BICC1: variants seen among roughly 807,000 people sequenced by gnomAD.
The protein encoded by BICC1 is BicC family RNA binding protein 1.
In BICC1, 43 loss-of-function variants were observed where a neutral mutation model predicts 111.0. That is an observed-to-expected ratio of 0.39 (90% CI 0.30 to 0.50). The LOEUF (loss-of-function observed/expected upper bound fraction) is 0.50, where lower values mean the gene tolerates loss of function less well. Ranked by LOEUF, BICC1 falls within the 20% of genes least tolerant of loss-of-function variation. BICC1 has a pLI of 0.88. For synonymous variants in BICC1, 467 were observed against 434.4 expected, an observed-to-expected ratio of 1.07 and a Z score of -0.93; for missense variants, 1,091 against 1,203.2, an observed-to-expected ratio of 0.91 and a Z score of 1.38.
chr10:58,649,236 C>A (rs1283879495), intron 2 of BICC1, among the ~76,000 whole-genome samples: 1 of 152,088 alleles, frequency 6.6e-6, no homozygotes, highest in African/African-American at 2.4e-5. Context: ...AGTTTCTTTC[C>A]CTGGTTGCAC....
chr10:58,698,268 G>C (rs1356954672), intron 2 of BICC1, among the ~76,000 whole-genome samples: 1 of 152,154 alleles, frequency 6.6e-6, no homozygotes, highest in Non-Finnish European at 1.5e-5. Context: ...GATGACAAGA[G>C]ACACGTTACC....
At chr10:58,667,464 AC>A (rs57465239) in intron 2 of BICC1, among the ~76,000 whole-genome samples, 152,112 of 152,120 alleles carry the variant, frequency 1, 76,052 homozygotes, top group Middle Eastern at 1. Context: ...GGTAGTTTTA[AC>A]CTTAATTCTC....
At chr10:58,674,073 T>G (rs1234004814) in intron 2 of BICC1, among the ~76,000 whole-genome samples, 1 of 152,222 alleles carries the variant, frequency 6.6e-6, no homozygotes, top group Non-Finnish European at 1.5e-5. Flanking sequence ...CTACCAACAT[T>G]TTAGAATTAA....
chr10:58,826,651 C>T (rs964554431), intron 20 of BICC1, among the ~76,000 whole-genome samples: 20 of 98,316 alleles, frequency 2.0e-4, no homozygotes, highest in African/African-American at 6.9e-4. Context: ...CCCAGCTACT[C>T]GGGAGGCTGA....
intron 2 of BICC1, among the ~76,000 whole-genome samples, chr10:58,626,130 G>A (rs1331777964): frequency 6.6e-6 from 1 of 152,184 alleles, no homozygotes; most frequent in African/African-American, 2.4e-5. Flanking sequence ...AGGGTATGCA[G>A]TGAAGAGTAT....
At chr10:58,756,116 T>C (rs538922564) in intron 3 of BICC1, among the ~76,000 whole-genome samples, 1 of 152,330 alleles carries the variant, frequency 6.6e-6, no homozygotes, top group Admixed American at 6.5e-5. Context: ...TTGTATCTAT[T>C]CCTTTGAAAA....
intron 3 of BICC1, among the ~76,000 whole-genome samples, chr10:58,776,764 C>G (rs1011712032): frequency 1.3e-5 from 2 of 152,180 alleles, no homozygotes; most frequent in Non-Finnish European, 2.9e-5. Flanking sequence ...CTGTTATATA[C>G]AAACCATTCT....
In BICC1 at chr10:58,513,127, A is replaced by G. The variant is rs1334368796; in HGVS notation, c.-17A>G. The G allele has an allele frequency of 3.5e-6, 5 of 1,435,748 alleles. No homozygotes were observed. The African/African-American group carries it at 7.5e-5, about 22-fold the overall frequency. The allele number at this position is 1,435,748 out of a possible 1,614,324, so 88.9% of individuals were successfully genotyped here. On this transcript the variant is annotated 5_prime_UTR_variant, in exon 1 of 21. Coordinates refer to ENST00000373886, the MANE Select transcript of BICC1 (RefSeq NM_001080512.3). ...GAGCGGCGGCGGCAGCGGGAGCCCG[A>G]GCGCTGCGCGCCCACCATGGCCGCC...
rs548762230 is a variant in BICC1 at position 58,743,123 on chromosome 10, G to A, written c.307+40980G>A. Reference sequence around the variant, plus strand: ...CTCAAAAGGCATTCGGGTGGTGGTGGTTGTTCGGGAAAGTCAGATATTTAG... The same window carrying A: ...CTCAAAAGGCATTCGGGTGGTGGTGATTGTTCGGGAAAGTCAGATATTTAG... On this transcript the variant is annotated intron_variant, in intron 3 of 20. Transcript: ENST00000373886. 2.0e-5 allele frequency among the ~76,000 whole-genome samples: 3 copies of A among 152,304 alleles called. No homozygotes were observed. The South Asian group carries it at 6.2e-4, about 32-fold the overall frequency.
In BICC1 at chr10:58,620,314, G is replaced by A. The variant is rs186130613; in HGVS notation, c.191-541G>A. On this transcript the variant is annotated intron_variant, in intron 1 of 20. Coordinates refer to ENST00000373886, the MANE Select transcript of BICC1 (RefSeq NM_001080512.3). ...TGCAATTTTATTGTTGGCTGTGACC[G>A]TCACCATTACTGTTTAATTCTCATG... 4.6e-3 allele frequency among the ~76,000 whole-genome samples: 704 copies of A among 152,170 alleles called. 2 individuals carry two copies. The highest frequency in any genetic ancestry group is 0.014 in the Middle Eastern group (4 of 294).
chr10:58,664,703 T>TC (rs1244838532), intron 2 of BICC1, among the ~76,000 whole-genome samples: 4 of 152,108 alleles, frequency 2.6e-5, no homozygotes, highest in Admixed American at 1.3e-4. Context: ...GTTTTTTTTT[T>TC]CCCTCCACTT....
chr10:58,525,998 T>TG (rs967338911), intron 1 of BICC1, among the ~76,000 whole-genome samples: 22 of 152,002 alleles, frequency 1.4e-4, no homozygotes, highest in Admixed American at 1.4e-3. Flanking sequence ...TGGCTTTTTT[T>TG]TCTTCGTGAC....
intron 2 of BICC1, among the ~76,000 whole-genome samples, chr10:58,701,743 A>T (rs1194130767): frequency 6.6e-6 from 1 of 152,212 alleles, no homozygotes; most frequent in African/African-American, 2.4e-5. Context: ...TTTATTCAGC[A>T]CAAGCATCTC....
At chr10:58,771,983 A>C (rs1842632434) in intron 3 of BICC1, among the ~76,000 whole-genome samples, 5 of 152,198 alleles carry the variant, frequency 3.3e-5, no homozygotes. Context: ...ACATAGAAGA[A>C]AGCATGCCAG....
Position 58,637,054 on chromosome 10 carries a change from T to A in BICC1, c.237+16153T>A, listed in dbSNP as rs891042453. On this transcript the variant is annotated intron_variant, in intron 2 of 20. Coordinates refer to ENST00000373886, the MANE Select transcript of BICC1 (RefSeq NM_001080512.3). ...GTTCTATAATATTTTTGGCAATTTG[T>A]CTCAGTTTAAAGCTGTGATCGTAAC... 8.5e-5 allele frequency among the ~76,000 whole-genome samples: 13 copies of A among 152,326 alleles called. 2 individuals carry two copies. Among genetic ancestry groups the A allele is most frequent in the Admixed American group, 6.5e-5 (1 of 15,300 alleles).
Position 58,801,027 on chromosome 10 carries a change from A to G in BICC1, c.1996A>G (p.Thr666Ala), listed in dbSNP as rs200911927. The change falls in exon 14 of 21, where the codon ACG becomes GCG. Residue 666 changes from threonine (T) to alanine (A), a missense_variant. This residue lies in a region of BICC1 where 843 missense variants were observed against 900.8 expected (regional missense o/e 0.94). Transcript: ENST00000373886. ...KRQTVELLQG[T>A]KNSHLHSTDR... ...GCAGACAGTGGAACTATTGCAAGGC[A>G]CGAAAAACTCACACTTACAGTATGT... 3.0e-5 allele frequency: 48 copies of G among 1,607,684 alleles called. No homozygotes were observed. Among genetic ancestry groups the G allele is most frequent in the Admixed American group, 8.5e-5 (5 of 58,584 alleles).
chr10:58,523,213 C>T (rs867959370), intron 1 of BICC1, among the ~76,000 whole-genome samples: 10 of 152,296 alleles, frequency 6.6e-5, no homozygotes, highest in Middle Eastern at 3.4e-3. Context: ...ATGAGGCCAG[C>T]ATCATCCTGA....
At chr10:58,540,362 C>T (rs1842930163) in intron 1 of BICC1, among the ~76,000 whole-genome samples, 2 of 150,794 alleles carry the variant, frequency 1.3e-5, no homozygotes, top group African/African-American at 4.9e-5. Context: ...ACAAAATCAA[C>T]AGTTCCATAT....
chr10:58,810,115 A>T (rs1392159308), intron 17 of BICC1, among the ~76,000 whole-genome samples: 1 of 152,220 alleles, frequency 6.6e-6, no homozygotes, highest in Non-Finnish European at 1.5e-5. Flanking sequence ...CTGTAAAGGG[A>T]TGTAACCCTA....
Sources: gnomAD v4.1 joint callset for allele counts (sites outside exome capture counted in the v4.1 genomes callset) on GRCh38, gnomAD v4.1.1 for gene constraint, gnomAD v4.1.1 regional missense constraint, MANE v1.5 for transcripts, NCBI Gene and HGNC (gene_info 2026-07-23, HGNC 2026-07-21) for gene names.